HLF: variants seen among roughly 807,000 people sequenced by gnomAD.
HLF encodes hepatic leukemia factor.
In HLF, 3 loss-of-function variants were observed where a neutral mutation model predicts 22.6. The ratio of observed to expected loss-of-function variants is 0.13; its 90% CI spans 0.06 to 0.34. HLF has a LOEUF of 0.34. Among genes scored for constraint, HLF ranks in the 10% least tolerant of loss-of-function variants. HLF has a pLI of 1.00. For synonymous variants in HLF, 151 were observed against 151.8 expected (o/e 0.99, Z 0.04); for missense variants, 299 against 389.2 (o/e 0.77, Z 1.95).
chr17:55,308,300 A>G (rs1242436348), intron 2 of HLF, among the ~76,000 whole-genome samples: 1 of 152,220 alleles, frequency 6.6e-6, no homozygotes, highest in African/African-American at 2.4e-5. Flanking sequence ...ATTTACTTTC[A>G]AGTATCTCTG....
chr17:55,285,581 G>A (rs898931158), intron 2 of HLF, among the ~76,000 whole-genome samples: 4 of 152,202 alleles, frequency 2.6e-5, no homozygotes, highest in Admixed American at 1.3e-4. Context: ...TTCCAGGGCT[G>A]TTGGTGTGTA....
Position 55,324,215 on chromosome 17 carries a change from A to G in HLF, c.*3336A>G. 1 of 225,292 alleles carries G rather than the reference A, an allele frequency of 4.4e-6. No homozygotes were observed. The highest frequency in any genetic ancestry group is 8.9e-6 in the Non-Finnish European group (1 of 112,948). The allele number at this position is 225,292 out of a possible 1,614,324, so 14.0% of individuals were successfully genotyped here. A position where few individuals can be genotyped will look rare whatever the true frequency, so the allele number is the denominator to read the frequency against. Reference sequence around the variant, plus strand: ...ACCCTTTGAGGAGAGTACAGATGGGATTCCACAGTGGGGTGGGTGGAATGG... The same window carrying G: ...ACCCTTTGAGGAGAGTACAGATGGGGTTCCACAGTGGGGTGGGTGGAATGG... On this transcript the variant is annotated 3_prime_UTR_variant, in exon 4 of 4. Transcript: ENST00000226067.
intron 1 of HLF, chr17:55,266,903 C>G: frequency 1.7e-6 from 1 of 596,264 alleles, no homozygotes; most frequent in Non-Finnish European, 2.1e-6. Context: ...GAATAACTCA[C>G]CTTTTCCAAT....
At chr17:55,287,150 G>C (rs2081011783) in intron 2 of HLF, among the ~76,000 whole-genome samples, 1 of 152,232 alleles carries the variant, frequency 6.6e-6, no homozygotes, top group Admixed American at 6.5e-5. Context: ...TCCAGGGGAG[G>C]TTAGATAAGG....
chr17:55,305,664 T>C (rs925198127), intron 2 of HLF, among the ~76,000 whole-genome samples: 3 of 152,202 alleles, frequency 2.0e-5, no homozygotes, highest in Non-Finnish European at 4.4e-5. Context: ...CTCTCCACTT[T>C]TTCCTCTTTA....
chr17:55,293,450 T>C (rs902489594), intron 2 of HLF, among the ~76,000 whole-genome samples: 2 of 152,168 alleles, frequency 1.3e-5, no homozygotes, highest in Admixed American at 1.3e-4. Context: ...CCAAGTTTTC[T>C]CTGACTACAG....
intron 2 of HLF, among the ~76,000 whole-genome samples, chr17:55,308,890 A>G (rs1246272051): frequency 1.3e-5 from 2 of 152,194 alleles, no homozygotes; most frequent in African/African-American, 2.4e-5. Context: ...TCTAGAGTTC[A>G]GGTGATTTAA....
At chr17:55,268,496 A>G (rs927013421) in intron 2 of HLF, among the ~76,000 whole-genome samples, 31 of 152,346 alleles carry the variant, frequency 2.0e-4, no homozygotes, top group African/African-American at 7.5e-4. Flanking sequence ...AAACACGTAG[A>G]TAACAGGTAG....
chr17:55,297,097 G>T lies in HLF; in HGVS notation c.452-18130G>T, dbSNP rs556821768. On this transcript the variant is annotated intron_variant, in intron 2 of 3. Transcript: ENST00000226067. ...TCTCCTTTAATGTGGTTAATTGGGA[G>T]AAATTGAATGACCCATTTCTTCTGA... 5.9e-5 allele frequency among the ~76,000 whole-genome samples: 9 copies of T among 152,314 alleles called. No homozygotes were observed. The South Asian group carries it at 1.9e-3, about 32-fold the overall frequency.
At chr17:55,293,984 G>A (rs2081089593) in intron 2 of HLF, among the ~76,000 whole-genome samples, 1 of 152,154 alleles carries the variant, frequency 6.6e-6, no homozygotes, top group African/African-American at 2.4e-5. Context: ...CACAGAGAGG[G>A]TAGTTTTTAA....
intron 2 of HLF, among the ~76,000 whole-genome samples, chr17:55,290,914 A>G (rs759976290): frequency 5.9e-5 from 9 of 152,230 alleles, no homozygotes; most frequent in Non-Finnish European, 1.2e-4. Flanking sequence ...CGTATTGCTG[A>G]TATGAAGAAA....
At chr17:55,290,973 A>G (rs1462256432) in intron 2 of HLF, among the ~76,000 whole-genome samples, 1 of 152,208 alleles carries the variant, frequency 6.6e-6, no homozygotes, top group Non-Finnish European at 1.5e-5. Context: ...CATTCCCTTA[A>G]GCCAAAGCCT....
chr17:55,309,733 G>T (rs1904743953), intron 2 of HLF, among the ~76,000 whole-genome samples: 1 of 152,184 alleles, frequency 6.6e-6, no homozygotes, highest in Non-Finnish European at 1.5e-5. Flanking sequence ...GCTCATCAGT[G>T]ATCAACATTA....
chr17:55,310,082 A>T (rs1480139157), intron 2 of HLF, among the ~76,000 whole-genome samples: 1 of 152,234 alleles, frequency 6.6e-6, no homozygotes, highest in African/African-American at 2.4e-5. Flanking sequence ...CTAATCTGTG[A>T]CAAAAGTAGA....
chr17:55,315,482 T>G, intron 3 of HLF, 35 bp downstream of exon 3: 1 of 1,488,268 alleles, frequency 6.7e-7, no homozygotes, highest in African/African-American at 1.4e-5. Flanking sequence ...TTTGGGCAAA[T>G]GGAGAGTGGG....
intron 2 of HLF, among the ~76,000 whole-genome samples, chr17:55,274,501 T>G (rs1228385227): frequency 2.0e-5 from 3 of 152,184 alleles, no homozygotes; most frequent in Non-Finnish European, 4.4e-5. Context: ...CAGACTTAGG[T>G]GCCTCTGTCT....
At chr17:55,316,333 T>C (rs2145372379) in intron 3 of HLF, among the ~76,000 whole-genome samples, 1 of 152,346 alleles carries the variant, frequency 6.6e-6, no homozygotes, top group Non-Finnish European at 1.5e-5. Flanking sequence ...CCTTTTCTAC[T>C]GTCTGCCCCC....
chr17:55,315,795 A>G (rs1905042813), intron 3 of HLF, among the ~76,000 whole-genome samples: 3 of 152,242 alleles, frequency 2.0e-5, no homozygotes, highest in African/African-American at 7.2e-5. Flanking sequence ...AAAGAAAATC[A>G]TTTGAGAAGG....
chr17:55,273,019 G>A (rs868589815), intron 2 of HLF: 3 of 152,210 alleles, frequency 2.0e-5, no homozygotes, highest in East Asian at 1.9e-4. Context: ...TCTTCTCCAC[G>A]GATCCCTGTA....
Sources: allele counts gnomAD v4.1 joint callset (sites outside exome capture counted in the v4.1 genomes callset), GRCh38; gene constraint gnomAD v4.1.1; transcripts MANE v1.5; gene names NCBI Gene and HGNC (gene_info 2026-07-23, HGNC 2026-07-21).